SLC25A21: variants seen among roughly 807,000 people sequenced by gnomAD.
SLC25A21 encodes mitochondrial 2-oxodicarboxylate carrier.
A neutral mutation model predicts 43.8 loss-of-function variants in SLC25A21; 47 were observed. The observed-to-expected ratio is 1.07, with a 90% CI of 0.85 to 1.37. SLC25A21 has a LOEUF of 1.37. Ranked by LOEUF, SLC25A21 falls within the 40% of genes most tolerant of loss-of-function variation. The pLI is 0.00. For synonymous variants in SLC25A21, 131 were observed against 121.3 expected, an observed-to-expected ratio of 1.08 and a Z score of -0.52; for missense variants, 352 against 350.2, an observed-to-expected ratio of 1.00 and a Z score of -0.04.
intron 3 of SLC25A21, among the ~76,000 whole-genome samples, chr14:36,789,978 AAT>A (rs1447285741): frequency 7.6e-6 from 1 of 131,794 alleles, no homozygotes; most frequent in Middle Eastern, 3.4e-3. Flanking sequence ...ATATATTAAA[AAT>A]ATATATATAT....
chr14:36,794,004 G>C (rs1218319100), intron 3 of SLC25A21, among the ~76,000 whole-genome samples: 1 of 149,464 alleles, frequency 6.7e-6, no homozygotes, highest in South Asian at 2.1e-4. Flanking sequence ...GCTATGAAAA[G>C]AATACAGACT....
At chr14:37,101,684 A>T (rs1174778396) in intron 1 of SLC25A21, among the ~76,000 whole-genome samples, 1 of 152,234 alleles carries the variant, frequency 6.6e-6, no homozygotes, top group Non-Finnish European at 1.5e-5. Flanking sequence ...AAATTACAAT[A>T]TAATAACTTT....
intron 6 of SLC25A21, among the ~76,000 whole-genome samples, chr14:36,716,310 G>C (rs896606993): frequency 6.6e-6 from 1 of 152,036 alleles, no homozygotes; most frequent in African/African-American, 2.4e-5. Context: ...TCAGCAGGAT[G>C]AACAAGCCTA....
intron 3 of SLC25A21, among the ~76,000 whole-genome samples, chr14:36,772,511 A>T (rs1886657266): frequency 6.6e-6 from 1 of 152,114 alleles, no homozygotes; most frequent in African/African-American, 2.4e-5. Flanking sequence ...TTTCTTTTTC[A>T]TAGAAATCAA....
chr14:37,117,183 G>A (rs909501477), intron 1 of SLC25A21, among the ~76,000 whole-genome samples: 2 of 152,032 alleles, frequency 1.3e-5, no homozygotes, highest in Non-Finnish European at 2.9e-5. Context: ...TTTGAAATTT[G>A]GAATGCAGGC....
intron 4 of SLC25A21, among the ~76,000 whole-genome samples, chr14:36,730,392 C>A (rs1002877074): frequency 1.3e-5 from 2 of 152,130 alleles, no homozygotes; most frequent in African/African-American, 4.8e-5. Context: ...AGGTAGCTGT[C>A]AACACCACTG....
chr14:36,928,413 G>A (rs998846772), intron 1 of SLC25A21, among the ~76,000 whole-genome samples: 5 of 150,776 alleles, frequency 3.3e-5, no homozygotes, highest in African/African-American at 1.2e-4. Context: ...TTTATGGCAG[G>A]ACTAAGCTTC....
At chr14:37,085,967 T>A (rs933883630) in intron 1 of SLC25A21, among the ~76,000 whole-genome samples, 1 of 151,974 alleles carries the variant, frequency 6.6e-6, no homozygotes, top group Non-Finnish European at 1.5e-5. Context: ...TAGCCGGGCG[T>A]GGTGGCGGGC....
intron 1 of SLC25A21, among the ~76,000 whole-genome samples, chr14:37,022,460 A>C (rs1961007402): frequency 1.3e-5 from 2 of 152,106 alleles, no homozygotes; most frequent in South Asian, 4.1e-4. Context: ...TTCCATAAAA[A>C]AATCCAGTCA....
chr14:36,766,275 GA>G (rs527596770), intron 3 of SLC25A21, among the ~76,000 whole-genome samples: 108 of 152,244 alleles, frequency 7.1e-4, no homozygotes, highest in Non-Finnish European at 1.4e-3. Context: ...TACACCCAGG[GA>G]AGGTATTACT....
At chr14:36,893,844 G>A (rs1891159376) in intron 1 of SLC25A21, among the ~76,000 whole-genome samples, 1 of 152,112 alleles carries the variant, frequency 6.6e-6, no homozygotes, top group Non-Finnish European at 1.5e-5. Context: ...AAGATCAGAT[G>A]GTTGTAGATA....
intron 1 of SLC25A21, among the ~76,000 whole-genome samples, chr14:36,912,078 C>T (rs8004428): frequency 0.016 from 2,412 of 152,122 alleles, 61 homozygotes; most frequent in African/African-American, 0.054. Flanking sequence ...TTATACATTT[C>T]TATCTTAAAT....
intron 1 of SLC25A21, among the ~76,000 whole-genome samples, chr14:37,169,383 A>G (rs770567083): frequency 3.9e-5 from 6 of 152,002 alleles, no homozygotes; most frequent in Non-Finnish European, 8.8e-5. Context: ...CTACTAAAAG[A>G]GAAGAGATGG....
chr14:36,762,015 C>T (rs1349023676), intron 3 of SLC25A21, among the ~76,000 whole-genome samples: 1 of 152,086 alleles, frequency 6.6e-6, no homozygotes, highest in Non-Finnish European at 1.5e-5. Context: ...CAAAATCTTT[C>T]AAAACAACGG....
Position 36,787,716 on chromosome 14 carries a change from G to C in SLC25A21, c.203+26202C>G, listed in dbSNP as rs186168297. ...AAACTTTCTAACTGAAATATAATAA[G>C]GAGTCTTTAAAAATTATTACTTCTT... On this transcript the variant is annotated intron_variant, in intron 3 of 9. Transcript: ENST00000331299. Among the ~76,000 whole-genome samples the C allele has an allele frequency of 2.9e-3, 439 of 152,204 alleles. 2 individuals are homozygous for C. The highest frequency in any genetic ancestry group is 0.01 in the African/African-American group (428 of 41,528).
chr14:36,725,690 A>T lies in SLC25A21; in HGVS notation c.331-13T>A, dbSNP rs1345238311. 4 of 1,555,402 alleles carry T rather than the reference A, an allele frequency of 2.6e-6. No homozygotes were observed. The African/African-American group carries it at 5.5e-5, about 21-fold the overall frequency. ...CAATGGCGAATGTCTAGAAAAATTA[A>T]ATCAATCAATACTTTAAAACAAGTT... On this transcript the variant is annotated splice_polypyrimidine_tract_variant and intron_variant, in intron 5 of 9. Coordinates refer to ENST00000331299, the MANE Select transcript of SLC25A21 (RefSeq NM_030631.4).
Position 36,678,422 on chromosome 14 carries a change from C to T in SLC25A21, c.*2236G>A. On this transcript the variant is annotated 3_prime_UTR_variant, in exon 10 of 10. Coordinates refer to ENST00000331299, the MANE Select transcript of SLC25A21 (RefSeq NM_030631.4). ...AGAATAAGCAGAAGGAGCAGATGAA[C>T]TCTCAGGGCCATAGTCTTCCTTTGA... 1 of 1,336,420 alleles carries T rather than the reference C, an allele frequency of 7.5e-7. No individual in the cohort carries two copies. Among genetic ancestry groups the T allele is most frequent in the Non-Finnish European group, 1.0e-6 (1 of 964,242 alleles). 82.8% of individuals were successfully genotyped at this position (1,336,420 alleles called of 1,614,324 possible). A position where few individuals can be genotyped will look rare whatever the true frequency, so the allele number is the denominator to read the frequency against.
At chr14:36,984,712 T>A (rs1205557905) in intron 1 of SLC25A21, among the ~76,000 whole-genome samples, 1 of 152,106 alleles carries the variant, frequency 6.6e-6, no homozygotes, top group East Asian at 1.9e-4. Context: ...TAAATCCAAA[T>A]TTAGAGAAGA....
At chr14:36,934,149 GA>G (rs1177686446) in intron 1 of SLC25A21, among the ~76,000 whole-genome samples, 1 of 152,080 alleles carries the variant, frequency 6.6e-6, no homozygotes, top group Non-Finnish European at 1.5e-5. Flanking sequence ...AATTGTTTTA[GA>G]AAGAAGTTTA....
Sources: allele counts gnomAD v4.1 joint callset (sites outside exome capture counted in the v4.1 genomes callset), GRCh38; gene constraint gnomAD v4.1.1; transcripts MANE v1.5; gene names NCBI Gene and HGNC (gene_info 2026-07-23, HGNC 2026-07-21).